The following LRP1 variants were observed in gnomAD, a reference collection of about 807,000 sequenced individuals.
LRP1 encodes the protein LDL receptor related protein 1.
A neutral mutation model predicts 541.5 loss-of-function variants in LRP1; 51 were observed. The ratio of observed to expected loss-of-function variants is 0.09; its 90% CI spans 0.08 to 0.12. The LOEUF is 0.12. Ranked by LOEUF, LRP1 falls within the 10% of genes least tolerant of loss-of-function variation. LRP1 has a pLI of 1.00. For synonymous variants in LRP1, 2,219 were observed against 2,470.8 expected (o/e 0.90, Z 3.02); for missense variants, 3,878 against 6,376.2 (o/e 0.61, Z 13.34).
At chr12:57,142,727 A>ACT (rs2035318954) in intron 3 of LRP1, among the ~76,000 whole-genome samples, 1 of 151,440 alleles carries the variant, frequency 6.6e-6, no homozygotes, top group Non-Finnish European at 1.5e-5. Flanking sequence ...CAGAAAAGTT[A>ACT]CTCTTTTCTA....
Position 57,129,015 on chromosome 12 carries a change from C to T in LRP1, c.51C>T (p.Val17=). Residue 17 remains valine (V), a synonymous_variant, in exon 1 of 89, where the codon GTC becomes GTT. Transcript: ENST00000243077. ...TGCTGCCCCTGCTCTCAGCTCTGGT[C>T]GCGGCGGCTATCGACGGTGAGTGAG... ...LLLLPLLSAL[V]AAAIDAPKTC... The T allele has an allele frequency of 2.6e-6, 4 of 1,551,496 alleles. No individual in the cohort carries two copies. The highest frequency in any genetic ancestry group is 3.5e-6 in the Non-Finnish European group (4 of 1,146,880).
rs374551287 is a variant in LRP1, at chr12:57,194,589, C to T, written c.8081C>T (p.Pro2694Leu). ...CCTCGCCCCCCAGGTGTGAAACGCC[C>T]CAGATGCCCTCTGAATTACTTCGCC... is the stretch of plus-strand genomic sequence containing the variant. Reference protein sequence around the residue: ...DERDCPGVKRPRCPLNYFACP... With the variant: ...DERDCPGVKRLRCPLNYFACP... The change falls in exon 50 of 89, where the codon CCC (proline) becomes CTC (leucine). Residue 2694 changes from proline (P) to leucine (L), a missense_variant. Transcript: ENST00000243077. The T allele has an allele frequency of 3.7e-5, 60 of 1,612,534 alleles. No homozygotes were observed. Among genetic ancestry groups the T allele is most frequent in the Admixed American group, 1.2e-4 (7 of 59,966 alleles).
rs908947419 is a variant in LRP1 at position 57,158,091 on chromosome 12, A to G, written c.1562-311A>G. Among the ~76,000 whole-genome samples the G allele has an allele frequency of 2.0e-5, 3 of 152,194 alleles. No homozygotes were observed. Among genetic ancestry groups the G allele is most frequent in the Middle Eastern group, 3.2e-3 (1 of 316 alleles). On this transcript the variant is annotated intron_variant, in intron 10 of 88. Transcript: ENST00000243077. The surrounding 1 kb of genome is among the most constrained non-coding windows in gnomAD (Gnocchi z 5.3). ...TGGTAAACAGTGATGTGACTCCAAC[A>G]TATTTTGAAGGTACTCCTTTTATAC...
intron 11 of LRP1, among the ~76,000 whole-genome samples, chr12:57,159,301 C>T (rs912859686): frequency 6.6e-6 from 1 of 152,146 alleles, no homozygotes; most frequent in East Asian, 1.9e-4. Flanking sequence ...CAACAGTCAG[C>T]AATCATATCA....
chr12:57,150,382 A>C (rs1262407273), intron 6 of LRP1, among the ~76,000 whole-genome samples: 1 of 151,994 alleles, frequency 6.6e-6, no homozygotes, highest in Non-Finnish European at 1.5e-5. Flanking sequence ...TAGTAGAGAC[A>C]GAGTTTTACC....
intron 1 of LRP1, among the ~76,000 whole-genome samples, chr12:57,132,649 C>T (rs535094647): frequency 3.9e-4 from 59 of 152,244 alleles, no homozygotes; most frequent in African/African-American, 1.3e-3. Context: ...CATTAGTGTG[C>T]GCTGTCTTGG....
chr12:57,196,838 G>A (rs2036543501), intron 55 of LRP1, 144 bp from the exon 56 acceptor site: 1 of 673,566 alleles, frequency 1.5e-6, no homozygotes, highest in South Asian at 1.8e-5. Context: ...CCTGCACTGT[G>A]GGCCAGCTGG....
chr12:57,182,131 G>A (rs1300647259), intron 34 of LRP1, among the ~76,000 whole-genome samples: 2 of 152,098 alleles, frequency 1.3e-5, no homozygotes, highest in East Asian at 3.9e-4. Context: ...CAGGGACCAT[G>A]TGGGGATTCA....
chr12:57,151,885 G>T (rs948949842), intron 6 of LRP1, among the ~76,000 whole-genome samples: 20 of 152,170 alleles, frequency 1.3e-4, no homozygotes, highest in African/African-American at 4.8e-4. Context: ...TGGTGCAGGG[G>T]GTTGGATAAC....
chr12:57,204,608 G>C lies in LRP1; in HGVS notation c.11072-19G>C. On this transcript the variant is annotated intron_variant, in intron 71 of 88. Coordinates refer to ENST00000243077, the MANE Select transcript of LRP1 (RefSeq NM_002332.3). The surrounding 1 kb of genome is among the most constrained non-coding windows in gnomAD (Gnocchi z 5.3). The stretch of plus-strand genomic sequence containing the variant: ...CTCCCAAGACTAATTCTGGCTCTGT[G>C]TCCCCCTGGCTGCTGCAGCCCGGTT... 1 of 1,613,294 alleles carries C rather than the reference G, an allele frequency of 6.2e-7. No individual in the cohort carries two copies. The highest frequency in any genetic ancestry group is 8.5e-7 in the Non-Finnish European group (1 of 1,179,562).
intron 47 of LRP1, 83 bp downstream of exon 47, chr12:57,193,768 C>G (rs937936975): frequency 6.2e-7 from 1 of 1,609,476 alleles, no homozygotes; most frequent in Non-Finnish European, 8.5e-7. Flanking sequence ...CCCTGGGCCC[C>G]GTGGTGTCTG....
rs761996382 is a variant in LRP1, at chr12:57,194,397, C to T, written c.7962C>T (p.Gly2654=). Residue 2654 remains glycine, a synonymous_variant, in exon 49 of 89, where the codon GGC becomes GGT. Coordinates refer to ENST00000243077, the MANE Select transcript of LRP1 (RefSeq NM_002332.3). ...GCTACTTCCGCCTGGGCGTGAAGGGCGTGCTCTTCCAGCCCTGCGAGCGGA... is the reference window on the plus strand; with the variant it reads ...GCTACTTCCGCCTGGGCGTGAAGGGTGTGCTCTTCCAGCCCTGCGAGCGGA... ...CSSYFRLGVK[G]VLFQPCERTS... is the part of the protein sequence containing the mutation. 2.2e-5 allele frequency: 33 copies of T among 1,519,716 alleles called. No homozygotes were observed. Among genetic ancestry groups the T allele is most frequent in the Admixed American group, 6.6e-5 (3 of 45,210 alleles). The allele number at this position is 1,519,716 out of a possible 1,614,324, so 94.1% of individuals were successfully genotyped here.
chr12:57,202,153 CTG>C (rs546273396), intron 67 of LRP1, among the ~76,000 whole-genome samples: 35 of 152,142 alleles, frequency 2.3e-4, no homozygotes, highest in Admixed American at 1.8e-3. Context: ...CCACACATAC[CTG>C]TGTGGAGTTT....
rs2035748562 is a variant in LRP1 at position 57,162,148 on chromosome 12, A to G, written c.2203-169A>G. Among the ~76,000 whole-genome samples, 1 of 152,122 alleles carries G rather than the reference A, an allele frequency of 6.6e-6. No homozygotes were observed. The highest frequency in any genetic ancestry group is 2.4e-5 in the African/African-American group (1 of 41,410). On this transcript the variant is annotated intron_variant, in intron 13 of 88. Coordinates refer to ENST00000243077, the MANE Select transcript of LRP1 (RefSeq NM_002332.3). The surrounding 1 kb of genome is among the most constrained non-coding windows in gnomAD (Gnocchi z 5.2). Reference sequence around the variant, plus strand: ...CGATCACCCGCTGGCTTCAGGATCTACCATCCCACTGTGTGCAAAACTATC... The same window carrying G: ...CGATCACCCGCTGGCTTCAGGATCTGCCATCCCACTGTGTGCAAAACTATC...
In LRP1 at chr12:57,198,457, A is replaced by G. The variant is rs1422477920; in HGVS notation, c.9471-8A>G. The G allele has an allele frequency of 6.2e-6, 10 of 1,612,852 alleles. No homozygotes were observed. The highest frequency in any genetic ancestry group is 8.5e-6 in the Non-Finnish European group (10 of 1,179,254). ...ATCTCCCAGGGCTCACTGCCTACCCATCGCCAGGTACCTGTACTGGACAGA... is the reference window on the plus strand; with the variant it reads ...ATCTCCCAGGGCTCACTGCCTACCCGTCGCCAGGTACCTGTACTGGACAGA... On this transcript the variant is annotated splice_polypyrimidine_tract_variant and splice_region_variant and intron_variant, in intron 59 of 88. Coordinates refer to ENST00000243077, the MANE Select transcript of LRP1 (RefSeq NM_002332.3).
In LRP1 at chr12:57,204,591, A is replaced by G. The variant is rs775376292; in HGVS notation, c.11072-36A>G. ...GCCAGCAACCACCCCCACTCCCAAG[A>G]CTAATTCTGGCTCTGTGTCCCCCTG... On this transcript the variant is annotated intron_variant, in intron 71 of 88. Coordinates refer to ENST00000243077, the MANE Select transcript of LRP1 (RefSeq NM_002332.3). The surrounding 1 kb of genome is among the most constrained non-coding windows in gnomAD (Gnocchi z 5.3). The G allele has an allele frequency of 1.2e-6, 2 of 1,612,362 alleles. No individual in the cohort carries two copies. Among genetic ancestry groups the G allele is most frequent in the African/African-American group, 2.7e-5 (2 of 74,952 alleles).
rs1341102367 is a variant in LRP1, at chr12:57,199,905, T to C, written c.9894T>C (p.Asn3298=). 3 of 1,595,390 alleles carry C rather than the reference T, an allele frequency of 1.9e-6. No homozygotes were observed. Among genetic ancestry groups the C allele is most frequent in the Admixed American group, 1.8e-5 (1 of 54,756 alleles). ...CCAATCACCCCTGCAAGGTCAACAA[T>C]GGTGGCTGCAGCAACCTGTGCCTGC... ...DVPNHPCKVN[N]GGCSNLCLLS... is the part of the protein sequence containing the mutation. Residue 3298 remains asparagine, a synonymous_variant, in exon 62 of 89, where the codon AAT becomes AAC. Coordinates refer to ENST00000243077, the MANE Select transcript of LRP1 (RefSeq NM_002332.3).
intron 6 of LRP1, among the ~76,000 whole-genome samples, chr12:57,151,256 G>A (rs2035520413): frequency 6.6e-6 from 1 of 152,114 alleles, no homozygotes; most frequent in African/African-American, 2.4e-5. Context: ...GCTGAGCAGT[G>A]GGATGGGGTG....
chr12:57,143,865 G>T, intron 4 of LRP1, 67 bp downstream of exon 4: 1 of 1,529,096 alleles, frequency 6.5e-7, no homozygotes, highest in Non-Finnish European at 8.9e-7. Context: ...GGCAGGGAGG[G>T]GCAGAGAGGG....
Sources: allele counts gnomAD v4.1 joint callset (sites outside exome capture counted in the v4.1 genomes callset), GRCh38; gene constraint gnomAD v4.1.1; non-coding constraint Gnocchi (gnomAD v3.1); transcripts MANE v1.5; gene names NCBI Gene and HGNC (gene_info 2026-07-23, HGNC 2026-07-21).